The following MAN2B2 variants were observed in gnomAD, a reference collection of about 807,000 sequenced individuals.
The protein encoded by MAN2B2 is epididymis-specific alpha-mannosidase.
In MAN2B2, 106 loss-of-function variants were observed where a neutral mutation model predicts 117.1. The ratio of observed to expected loss-of-function variants is 0.90; its 90% CI spans 0.77 to 1.06. MAN2B2 has a LOEUF of 1.06. Ranked by LOEUF, MAN2B2 falls within the 50% of genes least tolerant of loss-of-function variation. The pLI, the probability that MAN2B2 is intolerant of heterozygous loss-of-function variation, is 0.00. For synonymous variants in MAN2B2, 544 were observed against 595.1 expected, an observed-to-expected ratio of 0.91 and a Z score of 1.25; for missense variants, 1,326 against 1,381.4, an observed-to-expected ratio of 0.96 and a Z score of 0.64.
chr4:6,596,117 G>A (rs1465293497), intron 7 of MAN2B2, among the ~76,000 whole-genome samples: 3 of 150,896 alleles, frequency 2.0e-5, no homozygotes, highest in Non-Finnish European at 4.4e-5. Context: ...CTCTGTCCAG[G>A]TGGGCGTGGT....
At chr4:6,582,593 G>T (rs1726478946) in intron 3 of MAN2B2, among the ~76,000 whole-genome samples, 1 of 151,666 alleles carries the variant, frequency 6.6e-6, no homozygotes, top group Non-Finnish European at 1.5e-5. Flanking sequence ...GCCCACCTTG[G>T]CCTCCCAAAA....
chr4:6,609,391 C>T, intron 12 of MAN2B2, 93 bp downstream of exon 12: 1 of 1,277,600 alleles, frequency 7.8e-7, no homozygotes, highest in Non-Finnish European at 1.1e-6. Context: ...TTGCTCTGAA[C>T]CCCAGCTTCC....
At chr4:6,601,704 TGAACTTTA>T (rs1727337892) in intron 10 of MAN2B2, among the ~76,000 whole-genome samples, 1 of 152,200 alleles carries the variant, frequency 6.6e-6, no homozygotes, top group Non-Finnish European at 1.5e-5. Flanking sequence ...GGGCTTGTTA[TGAACTTTA>T]GAAGACACTC....
At chr4:6,603,845 G>A (rs1413010009) in intron 10 of MAN2B2, among the ~76,000 whole-genome samples, 2 of 152,146 alleles carry the variant, frequency 1.3e-5, no homozygotes, top group African/African-American at 4.8e-5. Flanking sequence ...GGATCAGGCA[G>A]ACAGGGAACA....
At chr4:6,611,329 A>G (rs763075609) in intron 15 of MAN2B2, 51 bp downstream of exon 15, 1 of 1,531,630 alleles carries the variant, frequency 6.5e-7, no homozygotes, top group Admixed American at 2.0e-5. Flanking sequence ...AGCACCAGCC[A>G]GGCCAGGGCG....
chr4:6,610,897 TCA>T lies in MAN2B2; in HGVS notation c.2278_2279del (p.Gln760ValfsTer149). 3.1e-6 allele frequency: 5 copies of T among 1,614,192 alleles called. No homozygotes were observed. The highest frequency in any genetic ancestry group is 4.2e-6 in the Non-Finnish European group (5 of 1,180,006). On this transcript the variant is annotated frameshift_variant, in exon 14 of 19. Coordinates refer to ENST00000285599, the MANE Select transcript of MAN2B2 (RefSeq NM_015274.3). LOFTEE classifies it high-confidence loss of function. ...SIARNYYPMVQSAFMEDGKSR... is the reference protein window; with the variant it reads ...SIARNYYPMVXSAFMEDGKSR... Reference sequence around the variant, plus strand: ...GTCTGCAGAATTACTACCCCATGGTTCAGTCGGCCTTCATGGAGGATGGCAAA... The same window carrying T: ...GTCTGCAGAATTACTACCCCATGGTTGTCGGCCTTCATGGAGGATGGCAAA...
chr4:6,602,427 T>C (rs1490155786), intron 10 of MAN2B2, among the ~76,000 whole-genome samples: 10 of 152,146 alleles, frequency 6.6e-5, no homozygotes, highest in African/African-American at 2.4e-4. Context: ...AAGGGAACTC[T>C]CTGAGGTCTT....
At position 6,617,476 on chromosome 4, in the gene MAN2B2, T is replaced by C; in HGVS notation, c.2798T>C (p.Val933Ala). The change falls in exon 17 of 19, where the codon GTG (valine) becomes GCG (alanine). Residue 933 changes from valine (V) to alanine (A), a missense_variant. Transcript: ENST00000285599. ...VGEDPVLSQP[V>A]TVNLEAVLQA... ...GAGGACCCAGTCCTGTCTCAGCCAG[T>C]GACAGTGAATCTGGAGGTGAACTTC... The C allele has an allele frequency of 6.2e-7, 1 of 1,614,060 alleles. No homozygotes were observed. Among genetic ancestry groups the C allele is most frequent in the Non-Finnish European group, 8.5e-7 (1 of 1,179,984 alleles).
chr4:6,617,847 GTT>G (rs56063851), intron 17 of MAN2B2: 46 of 163,284 alleles, frequency 2.8e-4, no homozygotes, highest in South Asian at 1.0e-3. Flanking sequence ...CGATGGCTAA[GTT>G]TTTTTTTTTT....
chr4:6,593,326 G>A lies in MAN2B2; in HGVS notation c.834G>A (p.Arg278=), dbSNP rs1726931059. The change falls in exon 6 of 19, where the codon CGG becomes CGA. Residue 278 remains arginine (R), a synonymous_variant. Coordinates refer to ENST00000285599, the MANE Select transcript of MAN2B2 (RefSeq NM_015274.3). The part of the protein sequence containing the change: ...ANVKQRAAWF[R]TPHVLWPWGC... Reference sequence around the variant, plus strand: ...TGAAGCAGAGGGCCGCCTGGTTCCGGACACCGCACGTCCTCTGGCCCTGGG... The same window carrying A: ...TGAAGCAGAGGGCCGCCTGGTTCCGAACACCGCACGTCCTCTGGCCCTGGG... 1 of 1,613,448 alleles carries A rather than the reference G, an allele frequency of 6.2e-7. No homozygotes were observed. The highest frequency in any genetic ancestry group is 2.2e-5 in the East Asian group (1 of 44,846).
At chr4:6,604,994 A>T (rs1428937136) in intron 10 of MAN2B2, 61 bp from the exon 11 acceptor site, 1 of 1,553,568 alleles carries the variant, frequency 6.4e-7, no homozygotes, top group Non-Finnish European at 8.8e-7. Context: ...AGTAGTGAGC[A>T]CCCCATTCCA....
intron 5 of MAN2B2, among the ~76,000 whole-genome samples, chr4:6,591,665 G>A (rs1385061755): frequency 6.6e-6 from 1 of 152,206 alleles, no homozygotes; most frequent in Non-Finnish European, 1.5e-5. Context: ...GCCCCTGGGG[G>A]CCTTCAAGGC....
At position 6,614,293 on chromosome 4, in the gene MAN2B2, T is replaced by C. The variant is rs1711745147; in HGVS notation, c.2639T>C (p.Leu880Pro). The C allele has an allele frequency of 3.7e-6, 6 of 1,614,142 alleles. No individual in the cohort carries two copies. Among genetic ancestry groups the C allele is most frequent in the Non-Finnish European group, 5.1e-6 (6 of 1,179,990 alleles). The stretch of plus-strand genomic sequence containing the variant: ...CCCCCGAATCTTCACCTGCAGATCC[T>C]GAGCATCCCTGGCTGGCGCTACAGC... ...TLPPNLHLQI[L>P]SIPGWRYSSN... Residue 880 changes from leucine to proline, a missense_variant, in exon 16 of 19, where the codon CTG (leucine) becomes CCG (proline). Leu to Pro is a moderately conservative substitution (Grantham distance 98). Transcript: ENST00000285599.
chr4:6,610,508 C>T (rs1343598259), intron 13 of MAN2B2, among the ~76,000 whole-genome samples: 1 of 152,314 alleles, frequency 6.6e-6, no homozygotes, highest in East Asian at 1.9e-4. Flanking sequence ...AGGGCTTGAG[C>T]GTGCAGGCTG....
chr4:6,619,961 T>C lies in MAN2B2; in HGVS notation c.2849T>C (p.Val950Ala). Residue 950 changes from valine (V) to alanine (A), a missense_variant, in exon 18 of 19, where the codon GTG becomes GCG. Coordinates refer to ENST00000285599, the MANE Select transcript of MAN2B2 (RefSeq NM_015274.3). Reference protein sequence around the residue: ...VLQALGSVVAVEERSLTGTWD... With the variant: ...VLQALGSVVAAEERSLTGTWD... ...CAGGCGCTGGGGTCCGTGGTGGCAGTGGAGGAGCGCTCGCTCACAGGGACC... is the reference window on the plus strand; with the variant it reads ...CAGGCGCTGGGGTCCGTGGTGGCAGCGGAGGAGCGCTCGCTCACAGGGACC... The C allele has an allele frequency of 6.2e-7, 1 of 1,613,906 alleles. No individual in the cohort carries two copies. Among genetic ancestry groups the C allele is most frequent in the East Asian group, 2.2e-5 (1 of 44,866 alleles).
At position 6,622,456 on chromosome 4, in the gene MAN2B2, C is replaced by T. The variant is rs1385932603; in HGVS notation, c.*1171C>T. 2 of 149,836 alleles carry T rather than the reference C, an allele frequency of 1.3e-5. No homozygotes were observed. The highest frequency in any genetic ancestry group is 2.1e-4 in the South Asian group (1 of 4,746). 9.3% of individuals were successfully genotyped at this position (149,836 alleles called of 1,614,324 possible). ...TTTTAAAACTTTTTTTTTTTTTTCC[C>T]GAGACAGAGTCTCACTCTGTCGCCC... On this transcript the variant is annotated 3_prime_UTR_variant, in exon 19 of 19. Coordinates refer to ENST00000285599, the MANE Select transcript of MAN2B2 (RefSeq NM_015274.3).
intron 18 of MAN2B2, chr4:6,620,639 A>C (rs1712125750): frequency 6.6e-6 from 1 of 150,468 alleles, no homozygotes; most frequent in Admixed American, 6.3e-5. Flanking sequence ...TGGCGGGTGC[A>C]TGGTGCACGC....
At chr4:6,582,699 A>G (rs887672367) in intron 3 of MAN2B2, among the ~76,000 whole-genome samples, 7 of 152,108 alleles carry the variant, frequency 4.6e-5, no homozygotes, top group African/African-American at 1.2e-4. Flanking sequence ...TTTTTTTAAC[A>G]TGGGGTCCAC....
chr4:6,619,906 C>T (rs1375338160), intron 17 of MAN2B2, 21 bp from the exon 18 acceptor site: 2 of 1,605,746 alleles, frequency 1.2e-6, no homozygotes, highest in Non-Finnish European at 1.7e-6. Flanking sequence ...GCTCACTCTC[C>T]CTCTGCTCCT....
Sources: allele counts gnomAD v4.1 joint callset (sites outside exome capture counted in the v4.1 genomes callset), GRCh38; gene constraint gnomAD v4.1.1; transcripts MANE v1.5; gene names NCBI Gene and HGNC (gene_info 2026-07-23, HGNC 2026-07-21).